Variants in ZNF618 observed in about 807,000 individuals in gnomAD.
The protein encoded by ZNF618 is neural precursor cell expressed, developmentally down-regulated 10.
ZNF618 carries 34 observed loss-of-function variants against 103.0 expected under a neutral mutation model. The ratio of observed to expected loss-of-function variants is 0.33; its 90% CI spans 0.25 to 0.44. ZNF618 has a LOEUF of 0.44. Among genes scored for constraint, ZNF618 ranks in the 20% least tolerant of loss-of-function variants. The probability of loss-of-function intolerance (pLI) is 1.00; values close to 1 mark genes in which losing one functional copy is unlikely to be tolerated. For synonymous variants in ZNF618, 551 were observed against 542.2 expected, an observed-to-expected ratio of 1.02 and a Z score of -0.23; for missense variants, 1,059 against 1,295.4, an observed-to-expected ratio of 0.82 and a Z score of 2.80.
At chr9:113,935,359 G>A (rs908625893) in intron 1 of ZNF618, among the ~76,000 whole-genome samples, 4 of 152,150 alleles carry the variant, frequency 2.6e-5, no homozygotes, top group Admixed American at 2.0e-4. Flanking sequence ...AGGTAAAGCC[G>A]CAGCTGCCAG....
intron 9 of ZNF618, among the ~76,000 whole-genome samples, chr9:114,010,301 C>CCT (rs1842120584): frequency 8.6e-6 from 1 of 116,956 alleles, no homozygotes; most frequent in African/African-American, 3.4e-5. Flanking sequence ...GACTCTGTCT[C>CCT]AAAAAAAAAA....
chr9:114,048,884 C>T lies in ZNF618; in HGVS notation c.1582C>T (p.Arg528Cys), dbSNP rs748576010. 3.1e-6 allele frequency: 5 copies of T among 1,608,580 alleles called. No individual in the cohort carries two copies. The highest frequency in any genetic ancestry group is 4.2e-6 in the Non-Finnish European group (5 of 1,177,374). Residue 528 changes from arginine to cysteine, a missense_variant, in exon 15 of 15, where the codon CGC (arginine) becomes TGC (cysteine). Coordinates refer to ENST00000374126, the MANE Select transcript of ZNF618 (RefSeq NM_001318042.2). Reference sequence around the variant, plus strand: ...CACGCTGGCGCTGAAGCACCTGCCACGCATGTACAACCAGGTGAAGGTGAA... The same window carrying T: ...CACGCTGGCGCTGAAGCACCTGCCATGCATGTACAACCAGGTGAAGGTGAA... ...FNTLALKHLP[R>C]MYNQVKVKVT... is the part of the protein sequence containing the mutation.
At chr9:114,017,684 C>T (rs1360309551) in intron 10 of ZNF618, among the ~76,000 whole-genome samples, 1 of 152,132 alleles carries the variant, frequency 6.6e-6, no homozygotes, top group Non-Finnish European at 1.5e-5. Context: ...CTGTGGGGAT[C>T]CCTCTCCCCA....
chr9:113,934,123 C>G (rs2131902479), intron 1 of ZNF618, among the ~76,000 whole-genome samples: 1 of 152,224 alleles, frequency 6.6e-6, no homozygotes, highest in Admixed American at 6.5e-5. Flanking sequence ...AAATTGAAGA[C>G]AGAAGTAATG....
intron 2 of ZNF618, among the ~76,000 whole-genome samples, chr9:113,978,212 G>A (rs9332459): frequency 0.56 from 84,451 of 152,140 alleles, 23,802 homozygotes; most frequent in Middle Eastern, 0.77. Flanking sequence ...AAACTTAGGC[G>A]GAATAGTAAG....
At chr9:113,911,480 C>G (rs761224274) in intron 1 of ZNF618, among the ~76,000 whole-genome samples, 2 of 151,938 alleles carry the variant, frequency 1.3e-5, no homozygotes, top group Non-Finnish European at 1.5e-5. Flanking sequence ...AGGCACCTGC[C>G]ACGATGCCCA....
At chr9:113,977,288 CT>C (rs745346986) in intron 2 of ZNF618, among the ~76,000 whole-genome samples, 3 of 152,166 alleles carry the variant, frequency 2.0e-5, no homozygotes, top group African/African-American at 7.2e-5. Flanking sequence ...CTTCCTTATC[CT>C]TTCATTCCTA....
intron 3 of ZNF618, among the ~76,000 whole-genome samples, chr9:113,997,068 T>TTC (rs1194063679): frequency 2.0e-5 from 3 of 151,770 alleles, no homozygotes; most frequent in African/African-American, 4.8e-5. Context: ...TTCTTTTTTT[T>TTC]TTCTTCTTCT....
At chr9:113,949,251 A>G (rs369814979) in intron 1 of ZNF618, among the ~76,000 whole-genome samples, 7 of 152,340 alleles carry the variant, frequency 4.6e-5, no homozygotes, top group African/African-American at 1.4e-4. Context: ...AAAAGATATA[A>G]TTAGAGAAGG....
At chr9:113,963,139 T>C (rs576625349) in intron 1 of ZNF618, among the ~76,000 whole-genome samples, 22 of 152,264 alleles carry the variant, frequency 1.4e-4, no homozygotes, top group Non-Finnish European at 1.2e-4. Context: ...GTCCTCTAAA[T>C]ATTAGGGGAC....
At chr9:113,886,408 CGAA>C (rs922873879) in intron 1 of ZNF618, among the ~76,000 whole-genome samples, 3 of 151,704 alleles carry the variant, frequency 2.0e-5, no homozygotes, top group Non-Finnish European at 4.4e-5. Flanking sequence ...TTTTTGCAAG[CGAA>C]GAAGATGTAG....
chr9:114,026,004 G>GTA, intron 10 of ZNF618, among the ~76,000 whole-genome samples: 1 of 152,186 alleles, frequency 6.6e-6, no homozygotes, highest in African/African-American at 2.4e-5. Flanking sequence ...TTGTTCAAAG[G>GTA]TCATACTGTG....
At chr9:114,002,582 C>T in intron 5 of ZNF618, 42 bp from the exon 6 acceptor site, 1 of 1,598,334 alleles carries the variant, frequency 6.3e-7, no homozygotes, top group Admixed American at 1.7e-5. Flanking sequence ...CTGTCATTGG[C>T]CCGGTAGCCC....
At chr9:113,965,086 A>G (rs1420371173) in intron 1 of ZNF618, among the ~76,000 whole-genome samples, 1 of 148,010 alleles carries the variant, frequency 6.8e-6, no homozygotes, top group Non-Finnish European at 1.5e-5. Context: ...TTCTGCTTGG[A>G]TTTATTTCCA....
At position 113,886,257 on chromosome 9, in the gene ZNF618, A is replaced by G. The variant is rs184987761; in HGVS notation, c.33+9844A>G. 8.5e-4 allele frequency among the ~76,000 whole-genome samples: 130 copies of G among 152,140 alleles called. 3 individuals are homozygous for G. The East Asian group carries it at 0.021, about 24-fold the overall frequency. On this transcript the variant is annotated intron_variant, in intron 1 of 14. Transcript: ENST00000374126. Reference sequence around the variant, plus strand: ...CATATCTGAGGAGCTAGCCATTCTTACCTCTCAGCTTTGAGCCTGTGCCAT... The same window carrying G: ...CATATCTGAGGAGCTAGCCATTCTTGCCTCTCAGCTTTGAGCCTGTGCCAT...
intron 2 of ZNF618, among the ~76,000 whole-genome samples, chr9:113,982,449 C>G (rs1839061656): frequency 6.6e-6 from 1 of 152,112 alleles, no homozygotes; most frequent in Non-Finnish European, 1.5e-5. Flanking sequence ...TTCTGTCTGT[C>G]TTAAATCTCC....
chr9:113,951,528 T>TAC (rs1835725071), intron 1 of ZNF618, among the ~76,000 whole-genome samples: 1 of 121,468 alleles, frequency 8.2e-6, no homozygotes, highest in Admixed American at 8.8e-5. Flanking sequence ...TATGTACACA[T>TAC]ATGTGTGTAC....
At chr9:113,901,415 G>A (rs1199155081) in intron 1 of ZNF618, among the ~76,000 whole-genome samples, 1 of 152,268 alleles carries the variant, frequency 6.6e-6, no homozygotes, top group Admixed American at 6.5e-5. Flanking sequence ...GCAGGGAACT[G>A]CTCTTGCGGC....
intron 1 of ZNF618, among the ~76,000 whole-genome samples, chr9:113,891,895 T>C (rs1436981663): frequency 6.6e-6 from 1 of 152,150 alleles, no homozygotes; most frequent in East Asian, 1.9e-4. Context: ...ATATTCAGCC[T>C]TAAAAATGGA....
Sources: gnomAD v4.1 joint callset for allele counts (sites outside exome capture counted in the v4.1 genomes callset) on GRCh38, gnomAD v4.1.1 for gene constraint, MANE v1.5 for transcripts, NCBI Gene and HGNC (gene_info 2026-07-23, HGNC 2026-07-21) for gene names.